Variants in CLDND1 observed in about 807,000 individuals in gnomAD.
CLDND1 encodes the protein claudin domain-containing protein 1.
Under a neutral mutation model 26.3 loss-of-function variants are expected in CLDND1, and 13 were observed. That is an observed-to-expected ratio of 0.49 (90% confidence interval 0.32 to 0.78). CLDND1 has a LOEUF of 0.78. Among genes scored for constraint, CLDND1 ranks in the 30% least tolerant of loss-of-function variants. The probability of loss-of-function intolerance (pLI) is 0.03; values close to 1 mark genes in which losing one functional copy is unlikely to be tolerated. For missense variants in CLDND1, 289 were observed against 312.8 expected, an observed-to-expected ratio of 0.92 and a Z score of 0.57; for synonymous variants, 107 against 107.0, an observed-to-expected ratio of 1.00 and a Z score of 0.00.
Position 98,517,039 on chromosome 3 carries a change from T to A in CLDND1, c.541+13A>T, listed in dbSNP as rs373662820. On this transcript the variant is annotated intron_variant, in intron 4 of 4. Transcript: ENST00000341181. Reference sequence around the variant, plus strand: ...GGAAGAAGCTAAAAGGTAAGTATGATGACAAAACCTACCTGCAAGGAGATG... The same window carrying A: ...GGAAGAAGCTAAAAGGTAAGTATGAAGACAAAACCTACCTGCAAGGAGATG... 10 of 1,613,538 alleles carry A rather than the reference T, an allele frequency of 6.2e-6. No individual in the cohort carries two copies. In the African/African-American group the frequency reaches 1.3e-4, roughly 22 times the overall value.
Position 98,517,112 on chromosome 3 carries a change from C to G in CLDND1, c.481G>C (p.Ala161Pro), listed in dbSNP as rs767489190. ...MCFGALIGLCACICRSLYPTI... is the reference protein window; with the variant it reads ...MCFGALIGLCPCICRSLYPTI... ...GGATATAAGCTTCGGCAAATGCAAG[C>G]ACAAAGTCCGATCAAAGCCCCAAAG... Residue 161 changes from alanine (A) to proline (P), a missense_variant, in exon 4 of 5, where the codon GCT (alanine) becomes CCT (proline). Transcript: ENST00000341181. 1.2e-6 allele frequency: 2 copies of G among 1,614,002 alleles called. No individual in the cohort carries two copies. Among genetic ancestry groups the G allele is most frequent in the African/African-American group, 2.7e-5 (2 of 74,888 alleles).
In CLDND1 at chr3:98,521,428, G is replaced by A. The variant is rs1015672224; in HGVS notation, c.-4C>T. 1.2e-6 allele frequency: 2 copies of A among 1,613,612 alleles called. No individual in the cohort carries two copies. Among genetic ancestry groups the A allele is most frequent in the African/African-American group, 1.3e-5 (1 of 75,000 alleles). On this transcript the variant is annotated 5_prime_UTR_variant, in exon 2 of 5. It introduces an in-frame stop codon into an upstream open reading frame of the 5' UTR. Transcript: ENST00000341181. ...CTGTAGCAAAACGGTTATCCATTCT[G>A]GCATTCAGACTGCTCTGTTTAGAAG...
At chr3:98,520,933 C>T (rs1706380599) in intron 2 of CLDND1, 200 bp downstream of exon 2, 2 of 477,008 alleles carry the variant, frequency 4.2e-6, no homozygotes, top group Non-Finnish European at 7.3e-6. Context: ...AAAAGTTCCT[C>T]ATCCAACCAA....
Position 98,516,687 on chromosome 3 carries a change from G to A in CLDND1, c.734C>T (p.Thr245Ile). ...WAAHTNRKEYTLMKAYRVA is the reference protein window; with the variant it reads ...WAAHTNRKEYILMKAYRVA ...TGCCACACGATATGCCTTCATTAAG[G>A]TGTACTCTTTCCGGTTGGTGTGAGC... Residue 245 changes from threonine to isoleucine, a missense_variant, in exon 5 of 5, where the codon ACC (threonine) becomes ATC (isoleucine). Thr to Ile is a moderately conservative substitution (Grantham distance 89, BLOSUM62 -1). Coordinates refer to ENST00000341181, the MANE Select transcript of CLDND1 (RefSeq NM_001040181.2). 1 of 1,614,152 alleles carries A rather than the reference G, an allele frequency of 6.2e-7. No homozygotes were observed. The highest frequency in any genetic ancestry group is 8.5e-7 in the Non-Finnish European group (1 of 1,180,014).
chr3:98,519,532 C>A (rs774628552), intron 2 of CLDND1, among the ~76,000 whole-genome samples: 1 of 152,192 alleles, frequency 6.6e-6, no homozygotes, highest in Non-Finnish European at 1.5e-5. Flanking sequence ...CTTCTATAAC[C>A]TCCTAACCAT....
rs138604651 is a variant in CLDND1 at position 98,521,413 on chromosome 3, A to T, written c.12T>A (p.Arg4=). The T allele has an allele frequency of 1.9e-6, 3 of 1,613,928 alleles. No individual in the cohort carries two copies. The highest frequency in any genetic ancestry group is 2.7e-5 in the African/African-American group (2 of 74,922). MDN[R]FATAFVIACV... ...AAGCAATTACAAATGCTGTAGCAAA[A>T]CGGTTATCCATTCTGGCATTCAGAC... The change falls in exon 2 of 5, where the codon CGT becomes CGA. Residue 4 remains arginine, a synonymous_variant. Transcript: ENST00000341181.
At position 98,516,506 on chromosome 3, in the gene CLDND1, G is replaced by T. The variant is rs1439972128; in HGVS notation, c.*153C>A. The T allele has an allele frequency of 2.1e-6, 3 of 1,413,348 alleles. No individual in the cohort carries two copies. The highest frequency in any genetic ancestry group is 2.8e-6 in the Non-Finnish European group (3 of 1,083,936). 87.6% of individuals were successfully genotyped at this position (1,413,348 alleles called of 1,614,324 possible). A position where few individuals can be genotyped will look rare whatever the true frequency, so the allele number is the denominator to read the frequency against. ...CATAAATTTTAGTGGTATTAAGTGTGTATTTAGTGGTGAATGTGTATAAAT... is the reference window on the plus strand; with the variant it reads ...CATAAATTTTAGTGGTATTAAGTGTTTATTTAGTGGTGAATGTGTATAAAT... On this transcript the variant is annotated 3_prime_UTR_variant, in exon 5 of 5. Transcript: ENST00000341181.
At chr3:98,521,497 G>C (rs1000514714) in intron 1 of CLDND1, 55 bp from the exon 2 acceptor site, 7 of 1,547,870 alleles carry the variant, frequency 4.5e-6, no homozygotes, top group Middle Eastern at 1.7e-4. Flanking sequence ...AAATAAGAAA[G>C]ATTATTTTGA....
chr3:98,522,035 T>G (rs1706440583), intron 1 of CLDND1: 1 of 261,544 alleles, frequency 3.8e-6, no homozygotes, highest in African/African-American at 2.2e-5. Flanking sequence ...AACAATAACA[T>G]GTAATAATGC....
In CLDND1 at chr3:98,521,247, C is replaced by A; in HGVS notation, c.178G>T (p.Asp60Tyr). 1 of 1,614,210 alleles carries A rather than the reference C, an allele frequency of 6.2e-7. No individual in the cohort carries two copies. Among genetic ancestry groups the A allele is most frequent in the Non-Finnish European group, 8.5e-7 (1 of 1,180,030 alleles). The change falls in exon 2 of 5, where the codon GAT becomes TAT. Residue 60 changes from aspartate (D) to tyrosine (Y), a missense_variant. Coordinates refer to ENST00000341181, the MANE Select transcript of CLDND1 (RefSeq NM_001040181.2). ...IWDEFISDEA[D>Y]EKTYNDALFR... ...AGTGCATCATTATAAGTCTTTTCAT[C>A]TGCCTCATCACTAATGAATTCATCC... is the stretch of plus-strand genomic sequence containing the variant.
At chr3:98,522,054 A>C (rs539332238) in intron 1 of CLDND1, 19 of 225,904 alleles carry the variant, frequency 8.4e-5, no homozygotes, top group Admixed American at 7.9e-4. Flanking sequence ...GCTAGATAGC[A>C]ATCTCTCCCT....
rs1488866722 is a variant in CLDND1 at position 98,515,733 on chromosome 3, C to T, written c.*926G>A. 7 of 1,289,410 alleles carry T rather than the reference C, an allele frequency of 5.4e-6. No homozygotes were observed. The highest frequency in any genetic ancestry group is 7.1e-6 in the Non-Finnish European group (7 of 988,730). The allele number at this position is 1,289,410 out of a possible 1,614,324, so 79.9% of individuals were successfully genotyped here. A position where few individuals can be genotyped will look rare whatever the true frequency, so the allele number is the denominator to read the frequency against. On this transcript the variant is annotated 3_prime_UTR_variant, in exon 5 of 5. Coordinates refer to ENST00000341181, the MANE Select transcript of CLDND1 (RefSeq NM_001040181.2). ...ATCATATTACCACAAGAAATAAAGA[C>T]CATAGTTGGAGGTTAATGGACAGCC...
At chr3:98,521,064 G>T in intron 2 of CLDND1, 69 bp downstream of exon 2, 1 of 1,330,160 alleles carries the variant, frequency 7.5e-7, no homozygotes, top group Non-Finnish European at 1.1e-6. Flanking sequence ...ATGTAATTGG[G>T]CAATCATTAC....
chr3:98,517,313 G>A, intron 3 of CLDND1, 124 bp from the exon 4 acceptor site: 1 of 1,117,556 alleles, frequency 8.9e-7, no homozygotes, highest in South Asian at 1.7e-5. Context: ...TTTTAACATT[G>A]AGGCCTCTTT....
rs373662820 is a variant in CLDND1, at chr3:98,517,039, T to C, written c.541+13A>G. On this transcript the variant is annotated intron_variant, in intron 4 of 4. Transcript: ENST00000341181. The stretch of plus-strand genomic sequence containing the variant: ...GGAAGAAGCTAAAAGGTAAGTATGA[T>C]GACAAAACCTACCTGCAAGGAGATG... 1 of 1,613,656 alleles carries C rather than the reference T, an allele frequency of 6.2e-7. No homozygotes were observed. Among genetic ancestry groups the C allele is most frequent in the East Asian group, 2.2e-5 (1 of 44,884 alleles).
chr3:98,519,966 T>C (rs552735411), intron 2 of CLDND1, among the ~76,000 whole-genome samples: 3 of 152,360 alleles, frequency 2.0e-5, no homozygotes, highest in African/African-American at 7.2e-5. Flanking sequence ...CCAATATTCC[T>C]TTTCCCACAT....
At chr3:98,521,532 C>A (rs992089433) in intron 1 of CLDND1, 90 bp from the exon 2 acceptor site, 1 of 1,467,648 alleles carries the variant, frequency 6.8e-7, no homozygotes, top group East Asian at 2.3e-5. Flanking sequence ...ACCCTTTACC[C>A]AATTCCCCAT....
At position 98,521,270 on chromosome 3, in the gene CLDND1, T is replaced by C. The variant is rs1041446730; in HGVS notation, c.155A>G (p.Asp52Gly). ...NSSDLNKSIW[D>G]EFISDEADEK... is the part of the protein sequence containing the mutation. ...ATCTGCCTCATCACTAATGAATTCA[T>C]CCCAGATGCTTTTATTCAAATCACT... is the stretch of plus-strand genomic sequence containing the variant. Residue 52 changes from aspartate to glycine, a missense_variant, in exon 2 of 5, where the codon GAT becomes GGT. By Grantham distance (94) the Asp-to-Gly change is moderately conservative. Coordinates refer to ENST00000341181, the MANE Select transcript of CLDND1 (RefSeq NM_001040181.2). The C allele has an allele frequency of 6.2e-7, 1 of 1,614,236 alleles. No homozygotes were observed. The highest frequency in any genetic ancestry group is 1.7e-5 in the Admixed American group (1 of 60,034).
At chr3:98,521,945 G>A (rs1469019345) in intron 1 of CLDND1, 5 of 484,990 alleles carry the variant, frequency 1.0e-5, no homozygotes, top group Non-Finnish European at 1.8e-5. Flanking sequence ...TAAGAGTCAG[G>A]AGCCATACAG....
Sources: gnomAD v4.1 joint callset for allele counts (sites outside exome capture counted in the v4.1 genomes callset) on GRCh38, gnomAD v4.1.1 for gene constraint, MANE v1.5 for transcripts, NCBI Gene and HGNC (gene_info 2026-07-23, HGNC 2026-07-21) for gene names.